Variants in GSPT1 observed in about 807,000 individuals in gnomAD.
The protein encoded by GSPT1 is G1 to S phase transition 1, also known as eukaryotic peptide chain release factor GTP-binding subunit ERF3A.
A neutral mutation model predicts 72.5 loss-of-function variants in GSPT1; 20 were observed. The observed-to-expected ratio is 0.28, with a 90% CI of 0.19 to 0.40. The LOEUF (loss-of-function observed/expected upper bound fraction) is 0.40. Among genes scored for constraint, GSPT1 ranks in the 10% least tolerant of loss-of-function variants. GSPT1 has a pLI of 1.00. For synonymous variants in GSPT1, 334 were observed against 293.5 expected (o/e 1.14, Z -1.41); for missense variants, 580 against 811.9 (o/e 0.71, Z 3.47).
At chr16:11,897,546 C>G (rs1475508913) in intron 3 of GSPT1, among the ~76,000 whole-genome samples, 1 of 152,102 alleles carries the variant, frequency 6.6e-6, no homozygotes, top group African/African-American at 2.4e-5. Context: ...GATTGCACCA[C>G]TACACTCCAG....
Position 11,873,050 on chromosome 16 carries a change from A to T in GSPT1, c.*69T>A, listed in dbSNP as rs1009464345. On this transcript the variant is annotated 3_prime_UTR_variant, in exon 15 of 15. Coordinates refer to ENST00000434724, the MANE Select transcript of GSPT1 (RefSeq NM_002094.4). ...TTATCAATGGGCAGAAAATAAGAGAAGGCGGTGTGAAGTAGGCTTCTGCAG... is the reference window on the plus strand; with the variant it reads ...TTATCAATGGGCAGAAAATAAGAGATGGCGGTGTGAAGTAGGCTTCTGCAG... The T allele has an allele frequency of 1.7e-4, 137 of 815,426 alleles. No homozygotes were observed. The highest frequency in any genetic ancestry group is 2.6e-4 in the Non-Finnish European group (126 of 486,592). The allele number at this position is 815,426 out of a possible 1,614,324, so 50.5% of individuals were successfully genotyped here.
At chr16:11,914,543 G>A (rs2054603513) in intron 1 of GSPT1, among the ~76,000 whole-genome samples, 1 of 152,226 alleles carries the variant, frequency 6.6e-6, no homozygotes, top group South Asian at 2.1e-4. Context: ...GAAATAGACT[G>A]AACTACTGAT....
intron 11 of GSPT1, among the ~76,000 whole-genome samples, chr16:11,880,473 C>T (rs181625860): frequency 8.5e-5 from 13 of 152,278 alleles, no homozygotes; most frequent in African/African-American, 2.9e-4. Context: ...TCCTTGCCAA[C>T]ACGTGTTACT....
At chr16:11,901,380 G>A (rs1485291797) in intron 1 of GSPT1, among the ~76,000 whole-genome samples, 1 of 152,060 alleles carries the variant, frequency 6.6e-6, no homozygotes, top group Admixed American at 6.6e-5. Flanking sequence ...GTTCACAGCT[G>A]CTAGTAAAGG....
chr16:11,894,998 C>T lies in GSPT1; in HGVS notation c.665-11G>A. On this transcript the variant is annotated splice_polypyrimidine_tract_variant and intron_variant, in intron 4 of 14. Transcript: ENST00000434724. ...TTGACTTGCCAGCATCTAAAAGTAA[C>T]ATCAACATGCAAACCATAGGTTAAA... is the stretch of plus-strand genomic sequence containing the variant. The T allele has an allele frequency of 6.3e-7, 1 of 1,578,250 alleles. No individual in the cohort carries two copies. Among genetic ancestry groups the T allele is most frequent in the Non-Finnish European group, 8.7e-7 (1 of 1,154,310 alleles).
intron 11 of GSPT1, among the ~76,000 whole-genome samples, chr16:11,880,889 A>G (rs900859974): frequency 6.6e-6 from 1 of 152,196 alleles, no homozygotes; most frequent in Admixed American, 6.5e-5. Context: ...TTATTGTAAA[A>G]GTCTGGCCTC....
intron 10 of GSPT1, among the ~76,000 whole-genome samples, chr16:11,883,954 G>T (rs1296835912): frequency 1.3e-5 from 2 of 151,032 alleles, no homozygotes; most frequent in East Asian, 3.9e-4. Flanking sequence ...AGAAGTTTAT[G>T]TTGGAAGATC....
chr16:11,909,611 G>A (rs2054532036), intron 1 of GSPT1, among the ~76,000 whole-genome samples: 1 of 152,126 alleles, frequency 6.6e-6, no homozygotes, highest in South Asian at 2.1e-4. Flanking sequence ...TCTACCTTCA[G>A]CACTCTCGAC....
At chr16:11,898,266 T>C (rs1403154575) in intron 1 of GSPT1, among the ~76,000 whole-genome samples, 1 of 152,158 alleles carries the variant, frequency 6.6e-6, no homozygotes, top group Non-Finnish European at 1.5e-5. Flanking sequence ...AGTTTCAATG[T>C]ATTCATAAAA....
intron 1 of GSPT1, among the ~76,000 whole-genome samples, chr16:11,898,421 C>CAAGA (rs1267426114): frequency 2.0e-5 from 3 of 151,022 alleles, no homozygotes; most frequent in Non-Finnish European, 4.4e-5. Context: ...TAACCCAGCC[C>CAAGA]AAGAAAGCTG....
At chr16:11,883,926 A>G (rs2054156037) in intron 10 of GSPT1, among the ~76,000 whole-genome samples, 1 of 151,596 alleles carries the variant, frequency 6.6e-6, no homozygotes, top group East Asian at 1.9e-4. Context: ...AAAAAAAAAA[A>G]GGTGCAGAAA....
At chr16:11,890,944 C>T in intron 6 of GSPT1, 118 bp downstream of exon 6, 1 of 604,622 alleles carries the variant, frequency 1.7e-6, no homozygotes, top group East Asian at 3.1e-5. Flanking sequence ...GGGGAAATTT[C>T]CTTTGTTGTG....
intron 1 of GSPT1, among the ~76,000 whole-genome samples, chr16:11,914,233 G>A (rs2054596029): frequency 6.6e-6 from 1 of 152,126 alleles, no homozygotes; most frequent in South Asian, 2.1e-4. Flanking sequence ...AGCACCATTA[G>A]GAAGAGAATA....
chr16:11,875,945 G>C lies in GSPT1; in HGVS notation c.1693-16C>G, dbSNP rs752854616. ...AGATTAAGGCCTAACCAAGAAAAGA[G>C]TATGAGAAAATCAGAATAATGCCAA... is the stretch of plus-strand genomic sequence containing the variant. On this transcript the variant is annotated splice_polypyrimidine_tract_variant and intron_variant, in intron 13 of 14. Coordinates refer to ENST00000434724, the MANE Select transcript of GSPT1 (RefSeq NM_002094.4). 6.2e-7 allele frequency: 1 copy of C among 1,604,200 alleles called. No individual in the cohort carries two copies. The highest frequency in any genetic ancestry group is 8.5e-7 in the Non-Finnish European group (1 of 1,174,732).
In GSPT1 at chr16:11,904,350, G is replaced by C. The variant is rs187376971; in HGVS notation, c.353-6315C>G. The stretch of plus-strand genomic sequence containing the variant: ...CCCGAGTAGCTGGGACTACAGGCGC[G>C]CGCCACCACGCCTGGGTAATTTTTT... On this transcript the variant is annotated intron_variant, in intron 1 of 14. Coordinates refer to ENST00000434724, the MANE Select transcript of GSPT1 (RefSeq NM_002094.4). Among the ~76,000 whole-genome samples the C allele has an allele frequency of 1.0e-3, 152 of 152,086 alleles. 1 individual carries two copies. The highest frequency in any genetic ancestry group is 1.9e-3 in the South Asian group (9 of 4,806).
rs1289506070 is a variant in GSPT1, at chr16:11,871,922, C to T, written c.*1197G>A. On this transcript the variant is annotated 3_prime_UTR_variant, in exon 15 of 15. Coordinates refer to ENST00000434724, the MANE Select transcript of GSPT1 (RefSeq NM_002094.4). ...ATGGTTAGCAAATTTCAGCTTTACACTTAAGAAAACTCAGTCAATTTCAAA... is the reference window on the plus strand; with the variant it reads ...ATGGTTAGCAAATTTCAGCTTTACATTTAAGAAAACTCAGTCAATTTCAAA... The T allele has an allele frequency of 6.6e-6, 1 of 152,074 alleles. No homozygotes were observed. The highest frequency in any genetic ancestry group is 1.5e-5 in the Non-Finnish European group (1 of 67,988). 9.4% of individuals were successfully genotyped at this position (152,074 alleles called of 1,614,324 possible). A position where few individuals can be genotyped will look rare whatever the true frequency, so the allele number is the denominator to read the frequency against.
Position 11,873,114 on chromosome 16 carries a change from A to G in GSPT1, c.*5T>C. On this transcript the variant is annotated 3_prime_UTR_variant, in exon 15 of 15. Transcript: ENST00000434724. ...CAGTATTGTGCAGGGTCATCAAGAA[A>G]ATGCTTAGTCTTTCTCTGGAACCAG... The G allele has an allele frequency of 6.4e-7, 1 of 1,566,002 alleles. No homozygotes were observed. The highest frequency in any genetic ancestry group is 8.8e-7 in the Non-Finnish European group (1 of 1,136,510).
At chr16:11,896,413 TG>T in intron 4 of GSPT1, 144 bp downstream of exon 4, 1 of 621,152 alleles carries the variant, frequency 1.6e-6, no homozygotes, top group Non-Finnish European at 2.8e-6. Flanking sequence ...TGCAATTTTT[TG>T]CCAGCTAAAA....
chr16:11,873,728 T>C (rs766276384), intron 14 of GSPT1, among the ~76,000 whole-genome samples: 1 of 151,750 alleles, frequency 6.6e-6, no homozygotes, highest in Non-Finnish European at 1.5e-5. Context: ...GCTGGGAGTA[T>C]AGGTGCTTGC....
Sources: gnomAD v4.1 joint callset for allele counts (sites outside exome capture counted in the v4.1 genomes callset) on GRCh38, gnomAD v4.1.1 for gene constraint, MANE v1.5 for transcripts, NCBI Gene and HGNC (gene_info 2026-07-23, HGNC 2026-07-21) for gene names.